Variants in KRT6A observed in about 807,000 individuals in gnomAD.
KRT6A encodes the protein keratin, type II cytoskeletal 6A.
In KRT6A, 28 loss-of-function variants were observed where a neutral mutation model predicts 48.6. The observed-to-expected ratio is 0.58, with a 90% CI of 0.43 to 0.79. The LOEUF is 0.79. KRT6A is among the 30% of genes least tolerant of loss of function. The pLI, the probability that KRT6A is intolerant of heterozygous loss-of-function variation, is 0.00. For missense variants in KRT6A, 687 were observed against 724.3 expected, an observed-to-expected ratio of 0.95 and a Z score of 0.59; for synonymous variants, 301 against 294.2, an observed-to-expected ratio of 1.02 and a Z score of -0.24.
Position 52,490,566 on chromosome 12 carries a change from C to A in KRT6A, c.1077+3G>T, listed in dbSNP as rs757516067. 33 of 1,614,234 alleles carry A rather than the reference C, an allele frequency of 2.0e-5. No homozygotes were observed. The highest frequency in any genetic ancestry group is 2.8e-5 in the Non-Finnish European group (33 of 1,180,046). ...CCTCAGCGGCTGCCCACTCCCTGCTCACCTTGGTCTGGTACCAGGACTCAG... is the reference window on the plus strand; with the variant it reads ...CCTCAGCGGCTGCCCACTCCCTGCTAACCTTGGTCTGGTACCAGGACTCAG... On this transcript the variant is annotated splice_donor_region_variant and intron_variant, in intron 5 of 8. Coordinates refer to ENST00000330722, the MANE Select transcript of KRT6A (RefSeq NM_005554.4).
In KRT6A at chr12:52,492,749, G is replaced by A. The variant is rs1381026519; in HGVS notation, c.440C>T (p.Pro147Leu). The change falls in exon 1 of 9, where the codon CCC becomes CTC. Residue 147 changes from proline to leucine, a missense_variant. By Grantham distance (98) the Pro-to-Leu change is moderately conservative (BLOSUM62 -3). This residue lies in a region of KRT6A where 566 missense variants were observed against 565.3 expected (regional missense o/e 1.00). Transcript: ENST00000330722. ...GGTGGGATCGATTTGCAGGTTGAGGGGAGTCAGGAGACTCTGGTTGACGGT... is the reference window on the plus strand; with the variant it reads ...GGTGGGATCGATTTGCAGGTTGAGGAGAGTCAGGAGACTCTGGTTGACGGT... ...EVTVNQSLLT[P>L]LNLQIDPTIQ... The A allele has an allele frequency of 1.2e-6, 2 of 1,613,734 alleles. No homozygotes were observed. The highest frequency in any genetic ancestry group is 1.7e-6 in the Non-Finnish European group (2 of 1,179,940).
intron 3 of KRT6A, 33 bp from the exon 4 acceptor site, chr12:52,490,986 G>A (rs748184511): frequency 1.9e-6 from 3 of 1,613,788 alleles, no homozygotes; most frequent in Non-Finnish European, 1.7e-6. Context: ...GGAGTTACCT[G>A]AGCTCACCTT....
At chr12:52,491,501 C>A (rs1326960438) in intron 2 of KRT6A, 21 bp downstream of exon 2, 4 of 1,612,842 alleles carry the variant, frequency 2.5e-6, no homozygotes, top group Non-Finnish European at 3.4e-6. Flanking sequence ...AAACTGAGTC[C>A]ATTTCTCCTG....
Position 52,491,062 on chromosome 12 carries a change from C to T in KRT6A, c.816+50G>A, listed in dbSNP as rs775780904. The T allele has an allele frequency of 2.4e-5, 39 of 1,613,938 alleles. 1 individual carries two copies. The East Asian group carries it at 8.0e-4, about 33-fold the overall frequency. ...CTCCCAGGGGAGCGAGGACACAAAGCCACTTCTCTCCTTCTAAATGAATTT... is the reference window on the plus strand; with the variant it reads ...CTCCCAGGGGAGCGAGGACACAAAGTCACTTCTCTCCTTCTAAATGAATTT... On this transcript the variant is annotated intron_variant, in intron 3 of 8. Transcript: ENST00000330722.
At position 52,490,891 on chromosome 12, in the gene KRT6A, G is replaced by A. The variant is rs398542; in HGVS notation, c.879C>T (p.Asp293=). The change falls in exon 4 of 9, where the codon GAC becomes GAT. Residue 293 remains aspartate (D), a synonymous_variant. Transcript: ENST00000330722. ...ACAAGGCTCTCAGGAAGTTGATCTC[G>A]TCTGTGAGAGTGTCTGCCTTGGCTT... ...ELQAKADTLT[D]EINFLRALYD... is the part of the protein sequence containing the mutation. 4.7e-4 allele frequency: 751 copies of A among 1,613,374 alleles called. 6 individuals carry two copies. The highest frequency in any genetic ancestry group is 2.9e-3 in the South Asian group (260 of 90,920).
Position 52,487,587 on chromosome 12 carries a change from A to T in KRT6A, c.*133T>A. ...AGAGAGAGAAGAAGTGAGGGCACTA[A>T]GCATCCATACCCAGCTCTACCTGGG... On this transcript the variant is annotated 3_prime_UTR_variant, in exon 9 of 9. Coordinates refer to ENST00000330722, the MANE Select transcript of KRT6A (RefSeq NM_005554.4). 1 of 1,063,874 alleles carries T rather than the reference A, an allele frequency of 9.4e-7. No homozygotes were observed. Among genetic ancestry groups the T allele is most frequent in the Non-Finnish European group, 1.4e-6 (1 of 716,584 alleles). 65.9% of individuals were successfully genotyped at this position (1,063,874 alleles called of 1,614,324 possible). A position where few individuals can be genotyped will look rare whatever the true frequency, so the allele number is the denominator to read the frequency against.
chr12:52,491,698 T>G lies in KRT6A; in HGVS notation c.579A>C (p.Thr193=), dbSNP rs368555326. Residue 193 remains threonine (T), a synonymous_variant, in exon 2 of 9, where the codon ACA becomes ACC. Coordinates refer to ENST00000330722, the MANE Select transcript of KRT6A (RefSeq NM_005554.4). ...CCTGCTCCTGCAGCAGGGTCCACTT[T>G]GTTTCCAGAACCTTGTTCTGCTGCT... ...FLEQQNKVLE[T]KWTLLQEQGT... 252 of 1,614,020 alleles carry G rather than the reference T, an allele frequency of 1.6e-4. No homozygotes were observed. The highest frequency in any genetic ancestry group is 2.0e-4 in the Non-Finnish European group (231 of 1,180,038).
chr12:52,489,347 C>T (rs973437951), intron 6 of KRT6A, among the ~76,000 whole-genome samples: 5 of 152,234 alleles, frequency 3.3e-5, no homozygotes, highest in African/African-American at 1.2e-4. Flanking sequence ...GGCGCGGTAT[C>T]GACTCACTGC....
Position 52,490,557 on chromosome 12 carries a change from C to T in KRT6A, c.1077+12G>A. On this transcript the variant is annotated intron_variant, in intron 5 of 8. Transcript: ENST00000330722. ...ACAGGGATTCCTCAGCGGCTGCCCACTCCCTGCTCACCTTGGTCTGGTACC... is the reference window on the plus strand; with the variant it reads ...ACAGGGATTCCTCAGCGGCTGCCCATTCCCTGCTCACCTTGGTCTGGTACC... 2 of 1,614,234 alleles carry T rather than the reference C, an allele frequency of 1.2e-6. No homozygotes were observed. Among genetic ancestry groups the T allele is most frequent in the East Asian group, 4.5e-5 (2 of 44,882 alleles).
At chr12:52,489,731 G>C (rs542611951) in intron 6 of KRT6A, among the ~76,000 whole-genome samples, 4 of 152,262 alleles carry the variant, frequency 2.6e-5, no homozygotes, top group Admixed American at 2.6e-4. Context: ...TTGCAGCTCT[G>C]AGCATCGTGA....
At position 52,492,797 on chromosome 12, in the gene KRT6A, G is replaced by A. The variant is rs771929106; in HGVS notation, c.392C>T (p.Pro131Leu). ...GFGGPGFPVC[P>L]PGGIQEVTVN... ...GGTGACCTCTTGGATGCCTCCAGGG[G>A]GGCACACAGGGAAGCCAGGGCCCCC... The change falls in exon 1 of 9, where the codon CCC (proline) becomes CTC (leucine). Residue 131 changes from proline (P) to leucine (L), a missense_variant. This residue lies in a region of KRT6A where 566 missense variants were observed against 565.3 expected (regional missense o/e 1.00). Transcript: ENST00000330722. 1.2e-6 allele frequency: 2 copies of A among 1,613,244 alleles called. No individual in the cohort carries two copies. Among genetic ancestry groups the A allele is most frequent in the Non-Finnish European group, 1.7e-6 (2 of 1,179,742 alleles).
chr12:52,492,566 C>T, intron 1 of KRT6A, 83 bp downstream of exon 1: 1 of 1,611,610 alleles, frequency 6.2e-7, no homozygotes, highest in Non-Finnish European at 8.5e-7. Flanking sequence ...CTCCCTCCCT[C>T]CTAGGTCTCC....
rs1465656583 is a variant in KRT6A at position 52,490,632 on chromosome 12, C to T, written c.1014G>A (p.Lys338=). 9 of 1,614,096 alleles carry T rather than the reference C, an allele frequency of 5.6e-6. No homozygotes were observed. The highest frequency in any genetic ancestry group is 7.6e-6 in the Non-Finnish European group (9 of 1,180,050). ...LDLDSIIAEV[K]AQYEEIAQRS... ...TCTGAGCAATCTCCTCATATTGGGC[C>T]TTGACCTCAGCGATGATGCTGTCCA... Residue 338 remains lysine, a synonymous_variant, in exon 5 of 9, where the codon AAG becomes AAA. Transcript: ENST00000330722.
At chr12:52,490,277 C>G in intron 5 of KRT6A, 1 of 1,051,288 alleles carries the variant, frequency 9.5e-7, no homozygotes, top group Non-Finnish European at 1.4e-6. Context: ...TGCCTAGTTT[C>G]TTTAGGGAGT....
chr12:52,488,021 G>A, intron 8 of KRT6A, 48 bp downstream of exon 8: 1 of 1,614,206 alleles, frequency 6.2e-7, no homozygotes, highest in South Asian at 1.1e-5. Context: ...CCTGAGCCCA[G>A]TCAGAAGAGT....
intron 5 of KRT6A, 174 bp from the exon 6 acceptor site, chr12:52,490,242 C>A: frequency 7.8e-7 from 1 of 1,275,788 alleles, no homozygotes; most frequent in South Asian, 1.3e-5. Flanking sequence ...GAGTCACAGA[C>A]CATCCTCATT....
At chr12:52,490,177 C>T (rs1938234570) in intron 5 of KRT6A, 109 bp from the exon 6 acceptor site, 2 of 1,605,078 alleles carry the variant, frequency 1.2e-6, no homozygotes, top group Non-Finnish European at 8.5e-7. Flanking sequence ...AAGGCTTCTC[C>T]TCAAGAAACT....
At chr12:52,489,881 T>A (rs866027739) in intron 6 of KRT6A, 62 bp downstream of exon 6, 1 of 1,613,592 alleles carries the variant, frequency 6.2e-7, no homozygotes, top group Non-Finnish European at 8.5e-7. Context: ...AATATAATGG[T>A]TGATGGCTGC....
chr12:52,488,277 G>C, intron 7 of KRT6A, 51 bp downstream of exon 7: 1 of 1,613,964 alleles, frequency 6.2e-7, no homozygotes, highest in Non-Finnish European at 8.5e-7. Context: ...TCAGTGCCAG[G>C]AACCTTGAAG....
Sources: gnomAD v4.1 joint callset for allele counts (sites outside exome capture counted in the v4.1 genomes callset) on GRCh38, gnomAD v4.1.1 for gene constraint, gnomAD v4.1.1 regional missense constraint, MANE v1.5 for transcripts, NCBI Gene and HGNC (gene_info 2026-07-23, HGNC 2026-07-21) for gene names.